Variants in ANO2 observed in about 807,000 individuals in gnomAD.
ANO2 encodes anoctamin-2.
A neutral mutation model predicts 124.2 loss-of-function variants in ANO2; 101 were observed. The ratio of observed to expected loss-of-function variants is 0.81; its 90% CI spans 0.69 to 0.96. The LOEUF (loss-of-function observed/expected upper bound fraction) is 0.96. Ranked by LOEUF, ANO2 falls within the 40% of genes least tolerant of loss-of-function variation. The pLI is 0.00. For synonymous variants in ANO2, 486 were observed against 482.5 expected (o/e 1.01, Z -0.09); for missense variants, 1,293 against 1,274.5 (o/e 1.01, Z -0.22).
At chr12:5,905,459 A>G (rs982742802) in intron 3 of ANO2, among the ~76,000 whole-genome samples, 3 of 152,196 alleles carry the variant, frequency 2.0e-5, no homozygotes, top group Non-Finnish European at 4.4e-5. Flanking sequence ...GCAGAAGTAC[A>G]GGGATCAGAG....
intron 16 of ANO2, among the ~76,000 whole-genome samples, chr12:5,623,829 A>G (rs1369861106): frequency 4.6e-5 from 7 of 152,242 alleles, no homozygotes; most frequent in Non-Finnish European, 8.8e-5. Flanking sequence ...TGCAAACAGC[A>G]ATGTTTGCTG....
chr12:5,678,673 T>G (rs1318869797), intron 14 of ANO2, among the ~76,000 whole-genome samples: 1 of 152,224 alleles, frequency 6.6e-6, no homozygotes, highest in Admixed American at 6.5e-5. Context: ...GAGTATTGAT[T>G]AATGAAATGA....
At chr12:5,815,969 A>G (rs1405645893) in intron 7 of ANO2, among the ~76,000 whole-genome samples, 1 of 152,134 alleles carries the variant, frequency 6.6e-6, no homozygotes. Flanking sequence ...TTTCCAAGTT[A>G]TTACTATCTT....
intron 11 of ANO2, among the ~76,000 whole-genome samples, chr12:5,748,851 C>T (rs1951350692): frequency 1.5e-5 from 2 of 135,660 alleles, no homozygotes; most frequent in African/African-American, 5.7e-5. Context: ...TCTCCCCCTT[C>T]CTTTTTCCCT....
intron 1 of ANO2, among the ~76,000 whole-genome samples, chr12:5,927,931 G>C (rs940341852): frequency 6.6e-6 from 1 of 152,228 alleles, no homozygotes; most frequent in African/African-American, 2.4e-5. Flanking sequence ...GGCAGGCACA[G>C]AATGTGGAGA....
At chr12:5,868,703 CCT>C (rs1447855434) in intron 3 of ANO2, among the ~76,000 whole-genome samples, 1 of 152,166 alleles carries the variant, frequency 6.6e-6, no homozygotes, top group Non-Finnish European at 1.5e-5. Context: ...TGGATCGTGT[CCT>C]CTCTATGCAG....
intron 23 of ANO2, among the ~76,000 whole-genome samples, chr12:5,566,241 G>C (rs1941752100): frequency 6.6e-6 from 1 of 152,192 alleles, no homozygotes; most frequent in African/African-American, 2.4e-5. Context: ...ATTTGGGATG[G>C]GAGGGTCATT....
intron 10 of ANO2, among the ~76,000 whole-genome samples, chr12:5,791,819 C>T (rs892457779): frequency 8.5e-5 from 13 of 152,140 alleles, no homozygotes; most frequent in African/African-American, 2.9e-4. Context: ...TATGATTATA[C>T]TATATTTGTC....
At chr12:5,813,823 G>A (rs1953512654) in intron 7 of ANO2, among the ~76,000 whole-genome samples, 1 of 152,156 alleles carries the variant, frequency 6.6e-6, no homozygotes, top group South Asian at 2.1e-4. Flanking sequence ...CAGAGTCTGG[G>A]AAATGTTAGA....
intron 14 of ANO2, among the ~76,000 whole-genome samples, chr12:5,681,334 A>G (rs79465510): frequency 1.2e-3 from 176 of 152,322 alleles, no homozygotes; most frequent in African/African-American, 4.2e-3. Context: ...TCTACCACTC[A>G]CATTTTTTAT....
intron 7 of ANO2, among the ~76,000 whole-genome samples, chr12:5,821,563 C>T (rs1048330184): frequency 1.3e-5 from 2 of 152,170 alleles, no homozygotes; most frequent in African/African-American, 4.8e-5. Flanking sequence ...GATAGGGATG[C>T]TGTTTGGAGC....
intron 14 of ANO2, among the ~76,000 whole-genome samples, chr12:5,682,467 G>T (rs1023957650): frequency 2.6e-5 from 4 of 152,096 alleles, no homozygotes; most frequent in Non-Finnish European, 4.4e-5. Flanking sequence ...CTGGAGGCCT[G>T]GGTAGTAATG....
chr12:5,920,893 A>G, intron 3 of ANO2, 147 bp downstream of exon 3: 2 of 1,008,882 alleles, frequency 2.0e-6, no homozygotes, highest in Non-Finnish European at 2.8e-6. Context: ...AAAAAAAGAA[A>G]GAAACAAAAT....
At chr12:5,599,343 G>T in intron 20 of ANO2, 141 bp downstream of exon 20, 1 of 1,034,408 alleles carries the variant, frequency 9.7e-7, no homozygotes, top group Non-Finnish European at 1.4e-6. Context: ...GCACTGAAGG[G>T]AACACTGAAT....
At chr12:5,883,621 A>C (rs765751700) in intron 3 of ANO2, among the ~76,000 whole-genome samples, 16 of 151,622 alleles carry the variant, frequency 1.1e-4, no homozygotes, top group South Asian at 4.2e-4. Flanking sequence ...CCCATGGAGA[A>C]GCAGGGTGTG....
rs138910590 is a variant in ANO2, at chr12:5,917,911, A to G, written c.534+3129T>C. On this transcript the variant is annotated intron_variant, in intron 3 of 24. Transcript: ENST00000682330. The stretch of plus-strand genomic sequence containing the variant: ...TAGACCAGGAAGCTTTACCAAAAGG[A>G]TGAGGTAAGCTAAGCAAGGTCATGA... Among the ~76,000 whole-genome samples the G allele has an allele frequency of 5.2e-3, 799 of 152,246 alleles. 7 individuals are homozygous for G. The highest frequency in any genetic ancestry group is 0.019 in the African/African-American group (781 of 41,546).
intron 10 of ANO2, among the ~76,000 whole-genome samples, chr12:5,767,047 T>C (rs977001725): frequency 6.6e-6 from 1 of 152,166 alleles, no homozygotes; most frequent in Non-Finnish European, 1.5e-5. Flanking sequence ...ATGGAGCAGG[T>C]TGCCAACAAG....
chr12:5,814,091 G>A (rs1953521765), intron 7 of ANO2, among the ~76,000 whole-genome samples: 1 of 152,154 alleles, frequency 6.6e-6, no homozygotes, highest in Non-Finnish European at 1.5e-5. Flanking sequence ...CAGCAGTATT[G>A]AGACCCCTGG....
chr12:5,909,941 T>C (rs1940946127), intron 3 of ANO2, among the ~76,000 whole-genome samples: 1 of 152,196 alleles, frequency 6.6e-6, no homozygotes, highest in South Asian at 2.1e-4. Context: ...CAGAATGTTT[T>C]TAAATGTATA....
Sources: gnomAD v4.1 joint callset for allele counts (sites outside exome capture counted in the v4.1 genomes callset) on GRCh38, gnomAD v4.1.1 for gene constraint, MANE v1.5 for transcripts, NCBI Gene and HGNC (gene_info 2026-07-23, HGNC 2026-07-21) for gene names.